EPHB1: variants seen among roughly 807,000 people sequenced by gnomAD.
EPHB1 encodes EPH receptor B1.
In EPHB1, 30 loss-of-function variants were observed where a neutral mutation model predicts 94.4. The observed-to-expected ratio is 0.32, with a 90% CI of 0.24 to 0.43. The LOEUF (loss-of-function observed/expected upper bound fraction) is 0.43. EPHB1 is among the 20% of genes least tolerant of loss of function. The probability of loss-of-function intolerance (pLI) is 1.00; values close to 1 mark genes in which losing one functional copy is unlikely to be tolerated. For synonymous variants in EPHB1, 522 were observed against 489.1 expected, an observed-to-expected ratio of 1.07 and a Z score of -0.89; for missense variants, 1,055 against 1,308.3, an observed-to-expected ratio of 0.81 and a Z score of 2.99.
chr3:135,183,145 G>A (rs1457723776), intron 10 of EPHB1, among the ~76,000 whole-genome samples: 1 of 146,326 alleles, frequency 6.8e-6, no homozygotes, highest in Non-Finnish European at 1.5e-5. Flanking sequence ...TTACACTATG[G>A]GAACTGGAAA....
chr3:135,009,653 G>A (rs752201318), intron 3 of EPHB1, among the ~76,000 whole-genome samples: 4 of 152,228 alleles, frequency 2.6e-5, no homozygotes, highest in Non-Finnish European at 4.4e-5. Flanking sequence ...GCATTGCTAA[G>A]ATTTTCTAAC....
chr3:135,150,735 C>G (rs1256116267), intron 5 of EPHB1, among the ~76,000 whole-genome samples: 1 of 152,160 alleles, frequency 6.6e-6, no homozygotes, highest in Non-Finnish European at 1.5e-5. Context: ...TATTGATTCT[C>G]TTGGTGATCT....
At chr3:135,017,700 G>A (rs977470287) in intron 3 of EPHB1, among the ~76,000 whole-genome samples, 1 of 152,176 alleles carries the variant, frequency 6.6e-6, no homozygotes, top group Non-Finnish European at 1.5e-5. Flanking sequence ...TCTGTGTTGA[G>A]TACTTGGGAG....
chr3:134,869,282 G>A (rs1017979554), intron 1 of EPHB1, among the ~76,000 whole-genome samples: 2 of 152,234 alleles, frequency 1.3e-5, no homozygotes, highest in Non-Finnish European at 2.9e-5. Context: ...AGTACACTGG[G>A]AGGATTAAAC....
chr3:135,255,900 T>A (rs1405049451), intron 15 of EPHB1, among the ~76,000 whole-genome samples: 3 of 146,582 alleles, frequency 2.0e-5, no homozygotes, highest in African/African-American at 7.6e-5. Context: ...ATCTGGGTGC[T>A]CCTGTATTGG....
chr3:135,217,454 A>G (rs1417422033), intron 12 of EPHB1, among the ~76,000 whole-genome samples: 2 of 149,200 alleles, frequency 1.3e-5, no homozygotes, highest in African/African-American at 5.0e-5. Flanking sequence ...ACACACACAC[A>G]CACACACACA....
chr3:135,173,767 G>A (rs562542335), intron 9 of EPHB1, among the ~76,000 whole-genome samples: 153 of 152,318 alleles, frequency 1.0e-3, no homozygotes, highest in Middle Eastern at 3.4e-3. Context: ...TCTTCAGTCC[G>A]AGTTTTCTGA....
chr3:135,194,046 G>T (rs1942532413), intron 11 of EPHB1, among the ~76,000 whole-genome samples: 1 of 152,152 alleles, frequency 6.6e-6, no homozygotes, highest in South Asian at 2.1e-4. Context: ...AGCAAGCTGG[G>T]TCTCAAGAAA....
At chr3:135,127,130 G>A (rs1224228931) in intron 4 of EPHB1, among the ~76,000 whole-genome samples, 1 of 152,158 alleles carries the variant, frequency 6.6e-6, no homozygotes, top group Non-Finnish European at 1.5e-5. Flanking sequence ...CTTTCTCAAG[G>A]TCAACCAACT....
At chr3:135,155,053 A>G (rs1460156181) in intron 6 of EPHB1, among the ~76,000 whole-genome samples, 1 of 152,232 alleles carries the variant, frequency 6.6e-6, no homozygotes, top group East Asian at 1.9e-4. Flanking sequence ...GCACTATTCT[A>G]GGATATATTA....
chr3:134,952,758 T>C (rs1933086363), intron 3 of EPHB1, among the ~76,000 whole-genome samples: 1 of 152,202 alleles, frequency 6.6e-6, no homozygotes. Flanking sequence ...TACTGTGTGC[T>C]CATATTAGCC....
At chr3:135,170,107 G>A (rs1183778052) in intron 9 of EPHB1, among the ~76,000 whole-genome samples, 1 of 152,206 alleles carries the variant, frequency 6.6e-6, no homozygotes, top group Non-Finnish European at 1.5e-5. Context: ...AAAACCAGCA[G>A]CTCCCCAGCT....
chr3:135,018,662 A>C (rs986465854), intron 3 of EPHB1, among the ~76,000 whole-genome samples: 2 of 152,192 alleles, frequency 1.3e-5, no homozygotes, highest in African/African-American at 4.8e-5. Context: ...ACCTCTGCTT[A>C]CACCAGCAAC....
chr3:135,016,421 T>C (rs959260352), intron 3 of EPHB1, among the ~76,000 whole-genome samples: 4 of 152,310 alleles, frequency 2.6e-5, no homozygotes, highest in Middle Eastern at 6.8e-3. Context: ...CTATTGCCTC[T>C]GTAAGTGTGA....
At chr3:134,859,568 T>TCTG (rs1165426934) in intron 1 of EPHB1, among the ~76,000 whole-genome samples, 1 of 152,138 alleles carries the variant, frequency 6.6e-6, no homozygotes, top group East Asian at 1.9e-4. Flanking sequence ...CGTTGAGCCT[T>TCTG]CTGCTGGAAC....
intron 13 of EPHB1, among the ~76,000 whole-genome samples, chr3:135,247,062 C>A (rs1002530266): frequency 1.1e-4 from 17 of 152,280 alleles, no homozygotes; most frequent in African/African-American, 4.1e-4. Flanking sequence ...ACACCCTGAA[C>A]TCCAAATTAT....
chr3:134,810,486 C>T (rs1485345797), intron 1 of EPHB1, among the ~76,000 whole-genome samples: 2 of 152,176 alleles, frequency 1.3e-5, no homozygotes, highest in Non-Finnish European at 2.9e-5. Context: ...ACAATGAGAA[C>T]AACGCTCATT....
chr3:135,242,453 C>T (rs1943809730), intron 13 of EPHB1, among the ~76,000 whole-genome samples: 1 of 152,156 alleles, frequency 6.6e-6, no homozygotes, highest in Admixed American at 6.5e-5. Context: ...GCCATGGCAG[C>T]TGCTCGGAAG....
At chr3:135,220,002 A>G (rs1335332010) in intron 12 of EPHB1, among the ~76,000 whole-genome samples, 2 of 152,098 alleles carry the variant, frequency 1.3e-5, no homozygotes, top group East Asian at 1.9e-4. Context: ...AGGCCCTTCA[A>G]TTCAGCTCTC....
Sources: allele counts gnomAD v4.1 joint callset (sites outside exome capture counted in the v4.1 genomes callset), GRCh38; gene constraint gnomAD v4.1.1; transcripts MANE v1.5; gene names NCBI Gene and HGNC (gene_info 2026-07-23, HGNC 2026-07-21).